HELLS: variants seen among roughly 807,000 people sequenced by gnomAD.
HELLS encodes helicase, lymphoid specific.
A neutral mutation model predicts 120.0 loss-of-function variants in HELLS; 32 were observed. That is an observed-to-expected ratio of 0.27 (90% CI 0.20 to 0.36). The LOEUF (loss-of-function observed/expected upper bound fraction) is 0.36, where lower values mean the gene tolerates loss of function less well. Among genes scored for constraint, HELLS ranks in the 10% least tolerant of loss-of-function variants. The pLI is 1.00. For missense variants in HELLS, 650 were observed against 993.4 expected, an observed-to-expected ratio of 0.65 and a Z score of 4.65; for synonymous variants, 341 against 323.4, an observed-to-expected ratio of 1.05 and a Z score of -0.58.
In HELLS at chr10:94,558,211, G is replaced by T; in HGVS notation, c.333+16G>T. The T allele has an allele frequency of 6.5e-7, 1 of 1,534,258 alleles. No individual in the cohort carries two copies. Among genetic ancestry groups the T allele is most frequent in the South Asian group, 1.3e-5 (1 of 75,930 alleles). On this transcript the variant is annotated intron_variant, in intron 4 of 21. Transcript: ENST00000348459. ...AGTTAAAAAGGTAATATAGCCAGCC[G>T]GAATATTTTTTATGTCATTTAAATA...
At chr10:94,584,689 C>T (rs1221940756) in intron 12 of HELLS, among the ~76,000 whole-genome samples, 2 of 152,122 alleles carry the variant, frequency 1.3e-5, no homozygotes, top group Non-Finnish European at 2.9e-5. Context: ...AAATGATCAT[C>T]TGCCTTTTGA....
Position 94,576,691 on chromosome 10 carries a change from G to A in HELLS, c.918G>A (p.Gln306=), listed in dbSNP as rs1016120765. The part of the protein sequence containing the change: ...DIPTMLYHGT[Q]EERQKLVRNI... ...CTACAATGTTATATCATGGAACCCA[G>A]GAGGAACGTCAAAAATTGGTAAGAA... The change falls in exon 10 of 22, where the codon CAG becomes CAA. Residue 306 remains glutamine (Q), a synonymous_variant. Transcript: ENST00000348459. The A allele has an allele frequency of 6.2e-6, 10 of 1,608,020 alleles. No homozygotes were observed. The African/African-American group carries it at 1.3e-4, about 22-fold the overall frequency.
exon 10 of HELLS, chr10:94,611,945 C>T (rs1391199497): frequency 6.6e-6 from 1 of 152,140 alleles, no homozygotes; most frequent in Non-Finnish European, 1.5e-5. Flanking sequence ...AATCCATGCT[C>T]AGCTTCCTTT....
chr10:94,545,991 G>C (rs771169924), intron 1 of HELLS, 39 bp downstream of exon 1: 1 of 1,552,236 alleles, frequency 6.4e-7, no homozygotes, highest in Non-Finnish European at 8.7e-7. Flanking sequence ...GTGGCAGCCT[G>C]CGGGGCTGAG....
chr10:94,610,051 C>T (rs1370215415), exon 10 of HELLS: 1 of 152,106 alleles, frequency 6.6e-6, no homozygotes, highest in Non-Finnish European at 1.5e-5. Context: ...GTTCCTCACT[C>T]AGATACGTGC....
intron 6 of HELLS, among the ~76,000 whole-genome samples, chr10:94,565,779 T>C (rs936902517): frequency 5.9e-5 from 9 of 152,224 alleles, no homozygotes; most frequent in African/African-American, 2.2e-4. Flanking sequence ...TTGTGGAATA[T>C]CGGTTTTGGG....
rs573297267 is a variant in HELLS at position 94,594,888 on chromosome 10, AATTGTGC to A, written c.2248+41_2248+47del. The A allele has an allele frequency of 1.1e-5, 17 of 1,481,870 alleles. No individual in the cohort carries two copies. The African/African-American group carries it at 2.2e-4, about 19-fold the overall frequency. The allele number at this position is 1,481,870 out of a possible 1,614,324, so 91.8% of individuals were successfully genotyped here. Reference sequence around the variant, plus strand: ...CACTTATGTAGTGCTTTATTGTTTAAATTGTGCATTGTGTGTTGTGGATTTTGTTTTT... The same window carrying A: ...CACTTATGTAGTGCTTTATTGTTTAAATTGTGTGTTGTGGATTTTGTTTTT... On this transcript the variant is annotated intron_variant, in intron 19 of 21. Coordinates refer to ENST00000348459, the MANE Select transcript of HELLS (RefSeq NM_018063.5).
exon 9 of HELLS, chr10:94,607,971 C>A: frequency 2.5e-6 from 1 of 407,830 alleles, no homozygotes; most frequent in Admixed American, 2.6e-5. Context: ...GTGATCTGCC[C>A]ACCTCGGCCT....
chr10:94,546,729 C>T (rs1292364778), intron 2 of HELLS, among the ~76,000 whole-genome samples: 1 of 152,230 alleles, frequency 6.6e-6, no homozygotes, highest in East Asian at 1.9e-4. Context: ...GTAGTCCCAT[C>T]ACTTTTAAAT....
At chr10:94,587,609 G>A (rs909781623) in intron 12 of HELLS, among the ~76,000 whole-genome samples, 3 of 152,172 alleles carry the variant, frequency 2.0e-5, no homozygotes, top group African/African-American at 7.2e-5. Flanking sequence ...TGTATTTTTA[G>A]TGGAGATGGG....
downstream of HELLS, among the ~76,000 whole-genome samples, chr10:94,605,081 C>T (rs867059733): frequency 7.6e-6 from 1 of 132,052 alleles, no homozygotes; most frequent in East Asian, 2.5e-4. Context: ...CTCCCCCCCC[C>T]CCCCTTTTTT....
chr10:94,591,324 C>T (rs771850502), intron 15 of HELLS, among the ~76,000 whole-genome samples: 13 of 152,230 alleles, frequency 8.5e-5, no homozygotes, highest in Non-Finnish European at 1.8e-4. Context: ...TAAAGATCAA[C>T]AGGTAGCCAT....
At chr10:94,600,392 G>T (rs529423763) in intron 21 of HELLS, among the ~76,000 whole-genome samples, 51 of 151,986 alleles carry the variant, frequency 3.4e-4, no homozygotes, top group African/African-American at 1.2e-3. Flanking sequence ...AGACAGTTTT[G>T]AAGCACAAGA....
intron 9 of HELLS, among the ~76,000 whole-genome samples, chr10:94,609,011 CTTTTTTTTTTTTT>C (rs71031590): frequency 0.018 from 1,212 of 68,262 alleles, 39 homozygotes; most frequent in Non-Finnish European, 0.022. Context: ...GTATCCACCT[CTTTTTTTTTTTTT>C]TTTTTTTTTT....
Position 94,583,390 on chromosome 10 carries a change from C to T in HELLS, c.1326+331C>T, listed in dbSNP as rs532936883. Among the ~76,000 whole-genome samples, 9 of 152,236 alleles carry T rather than the reference C, an allele frequency of 5.9e-5. No homozygotes were observed. In the South Asian group the frequency reaches 1.9e-3, roughly 32 times the overall value. ...TATAATTTACATCCTTGCATGGCTG[C>T]TGTCTAATCTATTTTTATTGCTTCC... On this transcript the variant is annotated intron_variant, in intron 12 of 21. Transcript: ENST00000348459.
At chr10:94,557,763 T>C (rs910017931) in intron 3 of HELLS, among the ~76,000 whole-genome samples, 2 of 152,234 alleles carry the variant, frequency 1.3e-5, no homozygotes, top group Non-Finnish European at 2.9e-5. Context: ...GGATTCTGTC[T>C]CCTCAACACA....
chr10:94,545,906 G>A lies in HELLS; in HGVS notation c.-16G>A, dbSNP rs1447687350. ...TCTGAGAGGAGGGGACCCGGTTCCC[G>A]GGTGAGTGTCCAGGCATGCCAGCGG... On this transcript the variant is annotated 5_prime_UTR_variant, in exon 1 of 22. Transcript: ENST00000348459. The A allele has an allele frequency of 1.3e-6, 2 of 1,553,796 alleles. No homozygotes were observed. Among genetic ancestry groups the A allele is most frequent in the Admixed American group, 2.0e-5 (1 of 51,198 alleles).
chr10:94,592,180 G>A, intron 15 of HELLS, 49 bp from the exon 16 acceptor site: 2 of 1,388,898 alleles, frequency 1.4e-6, no homozygotes, highest in South Asian at 1.3e-5. Context: ...TTTTAACAAA[G>A]CAAATAACAG....
intron 21 of HELLS, among the ~76,000 whole-genome samples, chr10:94,597,424 G>A (rs1845793267): frequency 6.6e-6 from 1 of 152,150 alleles, no homozygotes; most frequent in Admixed American, 6.5e-5. Context: ...ATACCAGGAG[G>A]CACATCGTAT....
Sources: allele counts gnomAD v4.1 joint callset (sites outside exome capture counted in the v4.1 genomes callset), GRCh38; gene constraint gnomAD v4.1.1; transcripts MANE v1.5; gene names NCBI Gene and HGNC (gene_info 2026-07-23, HGNC 2026-07-21).